The following STARD7 variants were observed in gnomAD, a reference collection of about 807,000 sequenced individuals.
The protein encoded by STARD7 is StAR related lipid transfer domain containing 7, also known as stAR-related lipid transfer protein 7, mitochondrial.
Under a neutral mutation model 45.3 loss-of-function variants are expected in STARD7, and 30 were observed. That is an observed-to-expected ratio of 0.66 (90% CI 0.50 to 0.90). STARD7 has a LOEUF of 0.90. Ranked by LOEUF, STARD7 falls within the 40% of genes least tolerant of loss-of-function variation. The pLI is 0.00. For synonymous variants in STARD7, 199 were observed against 183.0 expected, an observed-to-expected ratio of 1.09 and a Z score of -0.70; for missense variants, 495 against 491.3, an observed-to-expected ratio of 1.01 and a Z score of -0.07.
chr2:96,204,759 A>C (rs887842994), intron 1 of STARD7, among the ~76,000 whole-genome samples: 3 of 152,052 alleles, frequency 2.0e-5, no homozygotes, highest in Admixed American at 6.6e-5. Flanking sequence ...CAAAAAAAAA[A>C]AAAAAAGTTC....
intron 2 of STARD7, 161 bp from the exon 3 acceptor site, chr2:96,195,168 G>A (rs1683182708): frequency 1.2e-6 from 1 of 819,890 alleles, no homozygotes. Context: ...CAAAGAGGAT[G>A]TAAGCAAAGA....
At position 96,193,145 on chromosome 2, in the gene STARD7, G is replaced by C; in HGVS notation, c.676C>G (p.Arg226Gly). Residue 226 changes from arginine (R) to glycine (G), a missense_variant, in exon 5 of 8, where the codon CGG becomes GGG. Around this residue, in one of 2 missense-constraint regions of STARD7, gnomAD observed 213 missense variants for 271.2 expected, o/e 0.79. Coordinates refer to ENST00000337288, the MANE Select transcript of STARD7 (RefSeq NM_020151.4). ...TACCGCCGAACATAAACATAATCCC[G>C]TGAGTACATTGGATACTAAAGAAAT... Reference protein sequence around the residue: ...VTHFPYPMYSRDYVYVRRYSV... With the variant: ...VTHFPYPMYSGDYVYVRRYSV... 1 of 1,612,382 alleles carries C rather than the reference G, an allele frequency of 6.2e-7. No individual in the cohort carries two copies. Among genetic ancestry groups the C allele is most frequent in the Non-Finnish European group, 8.5e-7 (1 of 1,178,436 alleles).
Position 96,186,733 on chromosome 2 carries a change from A to G in STARD7, c.1110T>C (p.Ala370=). ...GSCGPARIEY[A] is the part of the protein sequence containing the mutation. ...TCCCTTCTTATCCCAAAGCCTGTCAAGCATACTCAATCCGAGCAGGGCCAC... is the reference window on the plus strand; with the variant it reads ...TCCCTTCTTATCCCAAAGCCTGTCAGGCATACTCAATCCGAGCAGGGCCAC... Residue 370 remains alanine (A), a synonymous_variant, in exon 8 of 8, where the codon GCT becomes GCC. Transcript: ENST00000337288. 2 of 1,607,716 alleles carry G rather than the reference A, an allele frequency of 1.2e-6. No individual in the cohort carries two copies. Among genetic ancestry groups the G allele is most frequent in the Non-Finnish European group, 1.7e-6 (2 of 1,177,396 alleles).
chr2:96,193,886 G>C (rs1011564559), intron 3 of STARD7, among the ~76,000 whole-genome samples: 3 of 152,238 alleles, frequency 2.0e-5, no homozygotes, highest in Admixed American at 6.5e-5. Context: ...TTGCACGTTA[G>C]AGTGAGTGTT....
chr2:96,193,428 G>A, intron 3 of STARD7, 76 bp from the exon 4 acceptor site: 1 of 919,834 alleles, frequency 1.1e-6, no homozygotes, highest in Non-Finnish European at 1.8e-6. Flanking sequence ...AGATGCTTTG[G>A]TCTCTGATCC....
intron 7 of STARD7, 81 bp downstream of exon 7, chr2:96,187,136 G>T: frequency 9.0e-7 from 1 of 1,114,358 alleles, no homozygotes; most frequent in Non-Finnish European, 1.3e-6. Flanking sequence ...CAGAAGAGAC[G>T]TTTTATTTCC....
In STARD7 at chr2:96,208,100, GCCC is replaced by G. The variant is rs746606954; in HGVS notation, c.290+42_290+44del. On this transcript the variant is annotated intron_variant, in intron 1 of 7. Transcript: ENST00000337288. ...ACAGGGCAGGCCCCAGGGTTCACAA[GCCC>G]CCCCACCCCACGGCCCAGAAAGAGC... is the stretch of plus-strand genomic sequence containing the variant. 5 of 1,484,272 alleles carry G rather than the reference GCCC, an allele frequency of 3.4e-6. No homozygotes were observed. The African/African-American group carries it at 7.3e-5, about 22-fold the overall frequency. The allele number at this position is 1,484,272 out of a possible 1,614,324, so 91.9% of individuals were successfully genotyped here. A position where few individuals can be genotyped will look rare whatever the true frequency, so the allele number is the denominator to read the frequency against.
chr2:96,203,769 C>T (rs1463270545), intron 1 of STARD7, among the ~76,000 whole-genome samples: 1 of 152,072 alleles, frequency 6.6e-6, no homozygotes, highest in Non-Finnish European at 1.5e-5. Context: ...TGGAGATCAG[C>T]CTGGCCAACA....
chr2:96,206,090 T>C (rs895016851), intron 1 of STARD7, among the ~76,000 whole-genome samples: 4 of 152,130 alleles, frequency 2.6e-5, no homozygotes, highest in Non-Finnish European at 1.5e-5. Context: ...TGCCTCCAGG[T>C]TTCAGGGACA....
Position 96,201,526 on chromosome 2 carries a change from T to C in STARD7, c.291-5977A>G, listed in dbSNP as rs956269247. 4.0e-5 allele frequency among the ~76,000 whole-genome samples: 6 copies of C among 151,602 alleles called. No homozygotes were observed. In the South Asian group the frequency reaches 8.3e-4, roughly 21 times the overall value. On this transcript the variant is annotated intron_variant, in intron 1 of 7. Transcript: ENST00000337288. ...TCACCTGAGCCCTGGAGGTCGGGAC[T>C]GTAGCGAGCCAAAATCATGCCACTG...
intron 1 of STARD7, among the ~76,000 whole-genome samples, chr2:96,206,583 G>A (rs1419952904): frequency 1.3e-5 from 2 of 151,816 alleles, no homozygotes; most frequent in African/African-American, 2.4e-5. Context: ...GGCGGATCAC[G>A]AGGTCAGGAG....
chr2:96,199,605 TAG>T (rs200192189), intron 1 of STARD7, among the ~76,000 whole-genome samples: 2 of 152,182 alleles, frequency 1.3e-5, no homozygotes, highest in Non-Finnish European at 2.9e-5. Flanking sequence ...CAGCTGCAAA[TAG>T]AGATAGTTTT....
rs1683157771 is a variant in STARD7 at position 96,193,485 on chromosome 2, C to A, written c.550-133G>T. On this transcript the variant is annotated intron_variant, in intron 3 of 7. Coordinates refer to ENST00000337288, the MANE Select transcript of STARD7 (RefSeq NM_020151.4). ...GAGTAATCTGACCTAACAGACAGTG[C>A]CAGAGTGTGAGAGACATGGCTGTGT... is the stretch of plus-strand genomic sequence containing the variant. 4.5e-6 allele frequency: 3 copies of A among 668,778 alleles called. No homozygotes were observed. The East Asian group carries it at 7.9e-5, about 18-fold the overall frequency. The allele number at this position is 668,778 out of a possible 1,614,324, so 41.4% of individuals were successfully genotyped here.
At chr2:96,201,227 A>C (rs1029458369) in intron 1 of STARD7, among the ~76,000 whole-genome samples, 4 of 152,106 alleles carry the variant, frequency 2.6e-5, no homozygotes, top group African/African-American at 9.7e-5. Context: ...AAATTTAGTA[A>C]ATCAAGAAAT....
At position 96,192,479 on chromosome 2, in the gene STARD7, G is replaced by A. The variant is rs1683140446; in HGVS notation, c.744-11C>T. On this transcript the variant is annotated splice_polypyrimidine_tract_variant and intron_variant, in intron 5 of 7. Coordinates refer to ENST00000337288, the MANE Select transcript of STARD7 (RefSeq NM_020151.4). ...GGATGCTCCACAGCACTGGTAAGGA[G>A]GAAAGGAGAAGCAAACTCTTAGTAA... The A allele has an allele frequency of 6.2e-7, 1 of 1,606,904 alleles. No homozygotes were observed. The highest frequency in any genetic ancestry group is 8.5e-7 in the Non-Finnish European group (1 of 1,173,412).
chr2:96,200,973 C>T (rs939448332), intron 1 of STARD7, among the ~76,000 whole-genome samples: 2 of 152,180 alleles, frequency 1.3e-5, no homozygotes, highest in African/African-American at 4.8e-5. Context: ...TGCCTTTTCA[C>T]CCTTCAAGCT....
chr2:96,190,460 C>T (rs2104175161), intron 6 of STARD7, among the ~76,000 whole-genome samples: 1 of 151,764 alleles, frequency 6.6e-6, no homozygotes, highest in Non-Finnish European at 1.5e-5. Flanking sequence ...GCCTCAGCCT[C>T]CCAAGTGGCT....
intron 1 of STARD7, among the ~76,000 whole-genome samples, chr2:96,204,765 A>AG: frequency 6.6e-6 from 1 of 151,926 alleles, no homozygotes; most frequent in African/African-American, 2.4e-5. Context: ...AAAAAAAAAA[A>AG]GTTCCTTTAA....
chr2:96,190,020 C>T (rs1188974853), intron 6 of STARD7, among the ~76,000 whole-genome samples: 1 of 152,058 alleles, frequency 6.6e-6, no homozygotes, highest in East Asian at 1.9e-4. Context: ...TTGGTTCTGT[C>T]TTCTGAAAAG....
Sources: gnomAD v4.1 joint callset for allele counts (sites outside exome capture counted in the v4.1 genomes callset) on GRCh38, gnomAD v4.1.1 for gene constraint, gnomAD v4.1.1 regional missense constraint, MANE v1.5 for transcripts, NCBI Gene and HGNC (gene_info 2026-07-23, HGNC 2026-07-21) for gene names.